Variants in MYORG observed in about 807,000 individuals in gnomAD.
MYORG encodes alpha-galactosidase MYORG.
In MYORG, 45 loss-of-function variants were observed where a neutral mutation model predicts 49.8. That is an observed-to-expected ratio of 0.90 (90% CI 0.71 to 1.16). The LOEUF is 1.16. Ranked by LOEUF, MYORG falls within the 50% of genes most tolerant of loss-of-function variation. The probability of loss-of-function intolerance (pLI) is 0.00; values close to 1 mark genes in which losing one functional copy is unlikely to be tolerated. For synonymous variants in MYORG, 552 were observed against 462.9 expected, an observed-to-expected ratio of 1.19 and a Z score of -2.47; for missense variants, 1,110 against 1,026.5, an observed-to-expected ratio of 1.08 and a Z score of -1.11.
rs1563980560 is a variant in MYORG, at chr9:34,369,665, C to CG, written c.*1133dup. On this transcript the variant is annotated 3_prime_UTR_variant, in exon 2 of 2. Coordinates refer to ENST00000297625, the MANE Select transcript of MYORG (RefSeq NM_020702.5). ...GAGCAAGACTCCATCTAAGGGGGGG[C>CG]GGGGGGAAGAGAAAATGGCTGAGAT... 1 of 122,258 alleles carries CG rather than the reference C, an allele frequency of 8.2e-6. No homozygotes were observed. The highest frequency in any genetic ancestry group is 1.7e-5 in the Non-Finnish European group (1 of 58,774). 7.6% of individuals were successfully genotyped at this position (122,258 alleles called of 1,614,324 possible).
Position 34,372,855 on chromosome 9 carries a change from A to G in MYORG, c.89T>C (p.Ile30Thr), listed in dbSNP as rs780971805. 12 of 1,613,866 alleles carry G rather than the reference A, an allele frequency of 7.4e-6. No homozygotes were observed. In the African/African-American group the frequency reaches 8.0e-5, roughly 11 times the overall value. Reference sequence around the variant, plus strand: ...GAAGGTGTACATAGCTGCGGCTGCGATGGCCTCGGGGTTCTGACGGTATGC... The same window carrying G: ...GAAGGTGTACATAGCTGCGGCTGCGGTGGCCTCGGGGTTCTGACGGTATGC... The part of the protein sequence containing the change: ...CYAYRQNPEA[I>T]AAAAMYTFLP... Residue 30 changes from isoleucine (I) to threonine (T), a missense_variant, in exon 2 of 2, where the codon ATC (isoleucine) becomes ACC (threonine). Transcript: ENST00000297625.
chr9:34,372,719 C>T lies in MYORG; in HGVS notation c.225G>A (p.Trp75Ter), dbSNP rs760451348. The change falls in exon 2 of 2, where the codon TGG becomes TGA. Residue 75 changes from tryptophan to a stop codon, truncating the protein, a stop_gained. Coordinates refer to ENST00000297625, the MANE Select transcript of MYORG (RefSeq NM_020702.5). LOFTEE classifies it high-confidence loss of function. The part of the protein sequence containing the change: ...LLLVLAAVVA[W>*]CYYSVSLRKA... ...TGCGTAGGGAGACGCTGTAGTAGCA[C>T]CAGGCCACCACCGCGGCCAGCACAA... 2 of 1,613,082 alleles carry T rather than the reference C, an allele frequency of 1.2e-6. No homozygotes were observed. Among genetic ancestry groups the T allele is most frequent in the East Asian group, 2.2e-5 (1 of 44,862 alleles).
rs760688755 is a variant in MYORG at position 34,371,093 on chromosome 9, C to T, written c.1851G>A (p.Pro617=). 59 of 1,609,148 alleles carry T rather than the reference C, an allele frequency of 3.7e-5. No homozygotes were observed. The Middle Eastern group carries it at 6.6e-4, about 18-fold the overall frequency. The change falls in exon 2 of 2, where the codon CCG becomes CCA. Residue 617 remains proline, a synonymous_variant. Transcript: ENST00000297625. ...CCTCGCCCGCCAGCTCAAGCAACAG[C>T]GGTGCCACAAGCGAGGCCCGCAGGG... is the stretch of plus-strand genomic sequence containing the variant. ...FAALRASLVA[P]LLLELAGEVT...
rs936900195 is a variant in MYORG at position 34,366,986 on chromosome 9, C to A, written c.*3813G>T. The A allele has an allele frequency of 6.6e-6, 1 of 152,400 alleles. No homozygotes were observed. The allele number at this position is 152,400 out of a possible 1,614,324, so 9.4% of individuals were successfully genotyped here. A position where few individuals can be genotyped will look rare whatever the true frequency, so the allele number is the denominator to read the frequency against. ...TTCACACTGCTGATAAAGACATACC[C>A]GAGACTGGGTAATTTATGAAGAAAA... On this transcript the variant is annotated 3_prime_UTR_variant, in exon 2 of 2. Coordinates refer to ENST00000297625, the MANE Select transcript of MYORG (RefSeq NM_020702.5).
In MYORG at chr9:34,371,611, G is replaced by A. The variant is rs1563981743; in HGVS notation, c.1333C>T (p.Gln445Ter). The A allele has an allele frequency of 1.2e-6, 2 of 1,605,958 alleles. No homozygotes were observed. The highest frequency in any genetic ancestry group is 2.2e-5 in the East Asian group (1 of 44,678). Residue 445 changes from glutamine to a stop codon, truncating the protein, a stop_gained, in exon 2 of 2, where the codon CAG becomes TAG. Coordinates refer to ENST00000297625, the MANE Select transcript of MYORG (RefSeq NM_020702.5). LOFTEE classifies it high-confidence loss of function. ...FTHPKARDWFQGHLRRLRSRY... is the reference protein window; with the variant it reads ...FTHPKARDWF ...GAGCGCAGCCGCCGCAGGTGTCCCTGGAACCAGTCGCGGGCCTTTGGGTGC... is the reference window on the plus strand; with the variant it reads ...GAGCGCAGCCGCCGCAGGTGTCCCTAGAACCAGTCGCGGGCCTTTGGGTGC...
Position 34,370,566 on chromosome 9 carries a change from T to C in MYORG, c.*233A>G, listed in dbSNP as rs1820572183. On this transcript the variant is annotated 3_prime_UTR_variant, in exon 2 of 2. Coordinates refer to ENST00000297625, the MANE Select transcript of MYORG (RefSeq NM_020702.5). ...AGAGGTTTCTGCAGATTGGTGTGAG[T>C]GTGGGGGTGGAAAGGGCACAGTAAG... 5 of 634,276 alleles carry C rather than the reference T, an allele frequency of 7.9e-6. No homozygotes were observed. Among genetic ancestry groups the C allele is most frequent in the Non-Finnish European group, 1.2e-5 (5 of 404,928 alleles). 39.3% of individuals were successfully genotyped at this position (634,276 alleles called of 1,614,324 possible).
At position 34,372,631 on chromosome 9, in the gene MYORG, G is replaced by T; in HGVS notation, c.313C>A (p.Gln105Lys). The T allele has an allele frequency of 6.2e-7, 1 of 1,606,590 alleles. No individual in the cohort carries two copies. The highest frequency in any genetic ancestry group is 8.5e-7 in the Non-Finnish European group (1 of 1,176,844). The change falls in exon 2 of 2, where the codon CAG becomes AAG. Residue 105 changes from glutamine to lysine, a missense_variant. Physicochemically the swap from Gln to Lys is moderately conservative, Grantham distance 53. Coordinates refer to ENST00000297625, the MANE Select transcript of MYORG (RefSeq NM_020702.5). ...AGGCGGAAGACCTGCTCTCCCTTCTGATTGCGGATGGAGAAGCCGCCAGCT... is the reference window on the plus strand; with the variant it reads ...AGGCGGAAGACCTGCTCTCCCTTCTTATTGCGGATGGAGAAGCCGCCAGCT... ...LKAGGFSIRN[Q>K]KGEQVFRLAF... is the part of the protein sequence containing the mutation.
rs898510440 is a variant in MYORG at position 34,372,437 on chromosome 9, G to A, written c.507C>T (p.Gly169=). The part of the protein sequence containing the change: ...YRVRWEEAAP[G]RAVEHAMFLG... Reference sequence around the variant, plus strand: ...AGAACATGGCGTGCTCCACGGCCCGGCCCGGCGCTGCCTCCTCCCAGCGCA... The same window carrying A: ...AGAACATGGCGTGCTCCACGGCCCGACCCGGCGCTGCCTCCTCCCAGCGCA... Residue 169 remains glycine, a synonymous_variant, in exon 2 of 2, where the codon GGC becomes GGT. Coordinates refer to ENST00000297625, the MANE Select transcript of MYORG (RefSeq NM_020702.5). 2.5e-6 allele frequency: 4 copies of A among 1,579,272 alleles called. No homozygotes were observed. Among genetic ancestry groups the A allele is most frequent in the African/African-American group, 2.7e-5 (2 of 74,150 alleles).
rs1254520021 is a variant in MYORG at position 34,369,012 on chromosome 9, A to G, written c.*1787T>C. The stretch of plus-strand genomic sequence containing the variant: ...CACGTCTTACATGGCGGCAGGCAAG[A>G]GAGAATGAGAACTAAGCAAAAGGGG... On this transcript the variant is annotated 3_prime_UTR_variant, in exon 2 of 2. Coordinates refer to ENST00000297625, the MANE Select transcript of MYORG (RefSeq NM_020702.5). 1 of 152,238 alleles carries G rather than the reference A, an allele frequency of 6.6e-6. No homozygotes were observed. The highest frequency in any genetic ancestry group is 1.5e-5 in the Non-Finnish European group (1 of 68,052). 9.4% of individuals were successfully genotyped at this position (152,238 alleles called of 1,614,324 possible).
rs1424868522 is a variant in MYORG at position 34,368,330 on chromosome 9, C to A, written c.*2469G>T. The A allele has an allele frequency of 6.6e-6, 1 of 152,230 alleles. No individual in the cohort carries two copies. Among genetic ancestry groups the A allele is most frequent in the Non-Finnish European group, 1.5e-5 (1 of 68,038 alleles). The allele number at this position is 152,230 out of a possible 1,614,324, so 9.4% of individuals were successfully genotyped here. A position where few individuals can be genotyped will look rare whatever the true frequency, so the allele number is the denominator to read the frequency against. On this transcript the variant is annotated 3_prime_UTR_variant, in exon 2 of 2. Transcript: ENST00000297625. ...AACATTTGGCTCCTTGTTACTTATG[C>A]AAATTTCTGCAGGGGGCTTGAATTT...
chr9:34,371,611 G>C lies in MYORG; in HGVS notation c.1333C>G (p.Gln445Glu). Reference protein sequence around the residue: ...FTHPKARDWFQGHLRRLRSRY... With the variant: ...FTHPKARDWFEGHLRRLRSRY... Reference sequence around the variant, plus strand: ...GAGCGCAGCCGCCGCAGGTGTCCCTGGAACCAGTCGCGGGCCTTTGGGTGC... The same window carrying C: ...GAGCGCAGCCGCCGCAGGTGTCCCTCGAACCAGTCGCGGGCCTTTGGGTGC... The change falls in exon 2 of 2, where the codon CAG becomes GAG. Residue 445 changes from glutamine (Q) to glutamate (E), a missense_variant. Gln to Glu is a conservative substitution (Grantham distance 29). Coordinates refer to ENST00000297625, the MANE Select transcript of MYORG (RefSeq NM_020702.5). The C allele has an allele frequency of 6.2e-7, 1 of 1,605,958 alleles. No homozygotes were observed. The highest frequency in any genetic ancestry group is 8.5e-7 in the Non-Finnish European group (1 of 1,178,212).
Position 34,369,119 on chromosome 9 carries a change from C to T in MYORG, c.*1680G>A, listed in dbSNP as rs1820545225. On this transcript the variant is annotated 3_prime_UTR_variant, in exon 2 of 2. Coordinates refer to ENST00000297625, the MANE Select transcript of MYORG (RefSeq NM_020702.5). The stretch of plus-strand genomic sequence containing the variant: ...TATGGCGGAAACTGCCCCCATATTT[C>T]AATTATCTCCCACTGGGTCCTTCCC... 6.6e-6 allele frequency: 1 copy of T among 152,202 alleles called. No individual in the cohort carries two copies. The highest frequency in any genetic ancestry group is 1.5e-5 in the Non-Finnish European group (1 of 68,048). The allele number at this position is 152,202 out of a possible 1,614,324, so 9.4% of individuals were successfully genotyped here. A position where few individuals can be genotyped will look rare whatever the true frequency, so the allele number is the denominator to read the frequency against.
chr9:34,372,463 C>T lies in MYORG; in HGVS notation c.481G>A (p.Val161Met). Residue 161 changes from valine (V) to methionine (M), a missense_variant, in exon 2 of 2, where the codon GTG (valine) becomes ATG (methionine). Val to Met is a conservative substitution (Grantham distance 21, BLOSUM62 1). Coordinates refer to ENST00000297625, the MANE Select transcript of MYORG (RefSeq NM_020702.5). ...RPKDTVMCYR[V>M]RWEEAAPGRA... ...CCCGGCGCTGCCTCCTCCCAGCGCA[C>T]GCGGTAGCACATGACCGTGTCCTTG... 6.3e-7 allele frequency: 1 copy of T among 1,590,716 alleles called. No homozygotes were observed. Among genetic ancestry groups the T allele is most frequent in the Non-Finnish European group, 8.5e-7 (1 of 1,169,740 alleles).
intron 1 of MYORG, among the ~76,000 whole-genome samples, chr9:34,374,747 A>G (rs1447987074): frequency 6.6e-6 from 1 of 151,636 alleles, no homozygotes; most frequent in Non-Finnish European, 1.5e-5. Flanking sequence ...CAAAAAAAAA[A>G]AAAAATTAGC....
rs781098241 is a variant in MYORG, at chr9:34,372,911, G to C, written c.33C>G (p.Ala11=). 2 of 1,613,876 alleles carry C rather than the reference G, an allele frequency of 1.2e-6. No individual in the cohort carries two copies. Among genetic ancestry groups the C allele is most frequent in the Admixed American group, 3.3e-5 (2 of 60,024 alleles). Residue 11 remains alanine (A), a synonymous_variant, in exon 2 of 2, where the codon GCC becomes GCG. Transcript: ENST00000297625. MLQNPQEKSQ[A]YPRRRRPGCY... is the part of the protein sequence containing the mutation. ...AGCCAGGCCGGCGGCGGCGGGGGTA[G>C]GCCTGGCTCTTCTCCTGAGGGTTCT...
rs1294277319 is a variant in MYORG at position 34,372,234 on chromosome 9, A to T, written c.710T>A (p.Ile237Asn). 1 of 1,611,144 alleles carries T rather than the reference A, an allele frequency of 6.2e-7. No individual in the cohort carries two copies. The highest frequency in any genetic ancestry group is 1.1e-5 in the South Asian group (1 of 90,824). Reference sequence around the variant, plus strand: ...GAAGGGCACTGAGTCATTGACTTTGATGGCGGCCGCGCGCGAAGATAGCCA... The same window carrying T: ...GAAGGGCACTGAGTCATTGACTTTGTTGGCGGCCGCGCGCGAAGATAGCCA... ...RYWLSSRAAA[I>N]KVNDSVPFHL... Residue 237 changes from isoleucine to asparagine, a missense_variant, in exon 2 of 2, where the codon ATC (isoleucine) becomes AAC (asparagine). Physicochemically the swap from Ile to Asn is moderately radical, Grantham distance 149 (BLOSUM62 -3). Coordinates refer to ENST00000297625, the MANE Select transcript of MYORG (RefSeq NM_020702.5).
In MYORG at chr9:34,371,953, C is replaced by T; in HGVS notation, c.991G>A (p.Asp331Asn). Residue 331 changes from aspartate (D) to asparagine (N), a missense_variant, in exon 2 of 2, where the codon GAC becomes AAC. Asp to Asn is a conservative substitution (Grantham distance 23). Transcript: ENST00000297625. ...TGTTGGGCAAAACGCAGCACCTTGT[C>T]CTGGTCCACGGCGCGCCCGTACAGC... ...WALYGRAVDQ[D>N]KVLRFAQQIR... 1.2e-6 allele frequency: 2 copies of T among 1,614,046 alleles called. No homozygotes were observed. Among genetic ancestry groups the T allele is most frequent in the Non-Finnish European group, 8.5e-7 (1 of 1,179,882 alleles).
In MYORG at chr9:34,371,696, C is replaced by A; in HGVS notation, c.1248G>T (p.Thr416=). The stretch of plus-strand genomic sequence containing the variant: ...AGCGCACCAGCGCAGGTAACCGGCC[C>A]GTGGGTTCGCGCACGAACAGCTCGC... ...VERELFVREP[T]GRLPALVRWW... The change falls in exon 2 of 2, where the codon ACG becomes ACT. Residue 416 remains threonine (T), a synonymous_variant. Transcript: ENST00000297625. 6.2e-7 allele frequency: 1 copy of A among 1,610,312 alleles called. No homozygotes were observed.
Position 34,373,686 on chromosome 9 carries a change from C to T in MYORG, c.-63-680G>A, listed in dbSNP as rs1029239235. On this transcript the variant is annotated intron_variant, in intron 1 of 1. Transcript: ENST00000297625. Reference sequence around the variant, plus strand: ...CAGGCTGGCTTCGAACTCATGACCTCAAGTGATCCACCTGCCTCAGCCTCC... The same window carrying T: ...CAGGCTGGCTTCGAACTCATGACCTTAAGTGATCCACCTGCCTCAGCCTCC... Among the ~76,000 whole-genome samples the T allele has an allele frequency of 3.3e-5, 5 of 152,224 alleles. 1 individual carries two copies. The highest frequency in any genetic ancestry group is 1.2e-4 in the African/African-American group (5 of 41,460).
Sources: gnomAD v4.1 joint callset for allele counts (sites outside exome capture counted in the v4.1 genomes callset) on GRCh38, gnomAD v4.1.1 for gene constraint, MANE v1.5 for transcripts, NCBI Gene and HGNC (gene_info 2026-07-23, HGNC 2026-07-21) for gene names.